SLC2A5: variants seen among roughly 807,000 people sequenced by gnomAD.
SLC2A5 encodes the protein solute carrier family 2 member 5, also known as solute carrier family 2, facilitated glucose transporter member 5.
In SLC2A5, 56 loss-of-function variants were observed where a neutral mutation model predicts 50.3. The ratio of observed to expected loss-of-function variants is 1.11; its 90% CI spans 0.90 to 1.39. The LOEUF is 1.39. Among genes scored for constraint, SLC2A5 ranks in the 40% most tolerant of loss-of-function variants. SLC2A5 has a pLI of 0.00. For synonymous variants in SLC2A5, 269 were observed against 281.9 expected, an observed-to-expected ratio of 0.95 and a Z score of 0.46; for missense variants, 566 against 650.1, an observed-to-expected ratio of 0.87 and a Z score of 1.41.
intron 3 of SLC2A5, among the ~76,000 whole-genome samples, chr1:9,048,786 G>A (rs984959095): frequency 6.6e-6 from 1 of 151,916 alleles, no homozygotes; most frequent in Non-Finnish European, 1.5e-5. Flanking sequence ...CTTCCAAGTA[G>A]CTAGGATTAC....
chr1:9,052,273 G>A (rs1208557517), intron 3 of SLC2A5, among the ~76,000 whole-genome samples: 1 of 152,128 alleles, frequency 6.6e-6, no homozygotes, highest in Non-Finnish European at 1.5e-5. Context: ...GACAGAGCGA[G>A]ACTCCGTCTC....
At chr1:9,085,830 A>G (rs1642395811) in intron 1 of SLC2A5, among the ~76,000 whole-genome samples, 1 of 152,156 alleles carries the variant, frequency 6.6e-6, no homozygotes, top group African/African-American at 2.4e-5. Flanking sequence ...ATCTGCTGGT[A>G]TTTGAAAAGC....
intron 11 of SLC2A5, 21 bp downstream of exon 11, chr1:9,037,876 T>G: frequency 5.6e-6 from 9 of 1,613,738 alleles, no homozygotes; most frequent in Non-Finnish European, 7.6e-6. Context: ...GTGGTGAGCG[T>G]GGGCCCCGGG....
chr1:9,057,435 C>G lies in SLC2A5; in HGVS notation c.293+13G>C. The G allele has an allele frequency of 6.3e-7, 1 of 1,586,802 alleles. No individual in the cohort carries two copies. On this transcript the variant is annotated intron_variant, in intron 3 of 11. Coordinates refer to ENST00000377424, the MANE Select transcript of SLC2A5 (RefSeq NM_003039.3). ...TATGAGTTTCAGGGAATTAAAAATT[C>G]ACCTTCCCTTACCTGCCAAATTTAT...
rs760181959 is a variant in SLC2A5 at position 9,040,045 on chromosome 1, C to A, written c.697+19G>T. 3 of 1,582,428 alleles carry A rather than the reference C, an allele frequency of 1.9e-6. No individual in the cohort carries two copies. The highest frequency in any genetic ancestry group is 2.6e-6 in the Non-Finnish European group (3 of 1,161,240). ...GGGGAGCAGAACCTGGAGGCCGCCC[C>A]CGCCAGAGCCCTCGTTACCTTTCTT... is the stretch of plus-strand genomic sequence containing the variant. On this transcript the variant is annotated intron_variant, in intron 6 of 11. Transcript: ENST00000377424. This position sits in a 1 kb window ranked among gnomAD's most constrained non-coding sequence, Gnocchi z 4.3.
At chr1:9,070,825 A>G (rs1642198258), upstream of SLC2A5, among the ~76,000 whole-genome samples, 1 of 151,618 alleles carries the variant, frequency 6.6e-6, no homozygotes, top group African/African-American at 2.4e-5. Flanking sequence ...GAAGCCTAGC[A>G]GCGTGGCCGT....
intron 2 of SLC2A5, among the ~76,000 whole-genome samples, chr1:9,079,488 A>G (rs1417988956): frequency 6.6e-6 from 1 of 151,836 alleles, no homozygotes; most frequent in Non-Finnish European, 1.5e-5. Context: ...TTTTTGATTT[A>G]TTTCTTTATT....
chr1:9,060,160 C>CACTACA (rs879883231), intron 1 of SLC2A5, among the ~76,000 whole-genome samples: 1 of 103,028 alleles, frequency 9.7e-6, no homozygotes. Flanking sequence ...ACTACACACA[C>CACTACA]TACACACTAC....
In SLC2A5 at chr1:9,037,778, G is replaced by T; in HGVS notation, c.1314C>A (p.Gly438=). 6.2e-7 allele frequency: 1 copy of T among 1,614,156 alleles called. No individual in the cohort carries two copies. ...CGGCGAAGACAATGAAGCTGTACGGGCCGAGGCCCTCCTGCGGGAAGAGGG... is the reference window on the plus strand; with the variant it reads ...CGGCGAAGACAATGAAGCTGTACGGTCCGAGGCCCTCCTGCGGGAAGAGGG... ...LIFPFIQEGL[G]PYSFIVFAVI... Residue 438 remains glycine, a synonymous_variant, in exon 12 of 12, where the codon GGC becomes GGA. Transcript: ENST00000377424.
chr1:9,038,531 A>C (rs1225626792), intron 9 of SLC2A5, 25 bp from the exon 10 acceptor site: 2 of 1,596,978 alleles, frequency 1.3e-6, no homozygotes, highest in Non-Finnish European at 1.7e-6. Flanking sequence ...CAGTTGGTTC[A>C]CCTGGAGCAG....
upstream of SLC2A5, chr1:9,073,072 A>G (rs1450451678): frequency 2.0e-5 from 3 of 152,260 alleles, no homozygotes; most frequent in Non-Finnish European, 4.4e-5. Context: ...GGTTAACACC[A>G]TACCACAAAG....
chr1:9,072,459 C>T (rs1642230734), upstream of SLC2A5: 1 of 152,216 alleles, frequency 6.6e-6, no homozygotes, highest in Non-Finnish European at 1.5e-5. Context: ...GGACAAGAGA[C>T]CGCTGGATTT....
At chr1:9,057,009 C>T (rs566697818) in intron 3 of SLC2A5, among the ~76,000 whole-genome samples, 66 of 152,262 alleles carry the variant, frequency 4.3e-4, no homozygotes, top group African/African-American at 1.5e-3. Context: ...TAAAAATGAC[C>T]GGCCAGGCGC....
At chr1:9,058,295 A>G in intron 1 of SLC2A5, 45 bp from the exon 2 acceptor site, 1 of 1,354,928 alleles carries the variant, frequency 7.4e-7, no homozygotes, top group Non-Finnish European at 1.1e-6. Flanking sequence ...CCAGGGTTCC[A>G]GGGCCCTCCC....
intron 5 of SLC2A5, chr1:9,041,231 C>G (rs542215548): frequency 5.0e-6 from 2 of 397,690 alleles, no homozygotes; most frequent in East Asian, 7.1e-5. Context: ...AAAACAACCC[C>G]GGTTACAGGT....
chr1:9,080,978 GC>G (rs1416667885), intron 2 of SLC2A5, among the ~76,000 whole-genome samples: 1 of 152,084 alleles, frequency 6.6e-6, no homozygotes, highest in East Asian at 1.9e-4. Context: ...GGTTGCTCAC[GC>G]CTGCAAACTC....
rs190749033 is a variant in SLC2A5 at position 9,037,843 on chromosome 1, G to A, written c.1302+54C>T. ...TGGGACGTGGTTTGCCCAGGGGCTCGCACTGTACTGCATGGGGATCTGGTG... is the reference window on the plus strand; with the variant it reads ...TGGGACGTGGTTTGCCCAGGGGCTCACACTGTACTGCATGGGGATCTGGTG... On this transcript the variant is annotated intron_variant, in intron 11 of 11. Transcript: ENST00000377424. 75 of 1,613,736 alleles carry A rather than the reference G, an allele frequency of 4.6e-5. No homozygotes were observed. The East Asian group carries it at 6.0e-4, about 13-fold the overall frequency.
At chr1:9,087,874 C>T (rs1557687502) in intron 1 of SLC2A5, among the ~76,000 whole-genome samples, 1 of 152,082 alleles carries the variant, frequency 6.6e-6, no homozygotes. Flanking sequence ...CGTGTGCCTC[C>T]AGTCCAGGAG....
At chr1:9,085,554 T>G (rs1466052952) in intron 1 of SLC2A5, among the ~76,000 whole-genome samples, 1 of 152,210 alleles carries the variant, frequency 6.6e-6, no homozygotes, top group Admixed American at 6.5e-5. Flanking sequence ...TTGCAAAATG[T>G]TTTTTATCAG....
Sources: allele counts gnomAD v4.1 joint callset (sites outside exome capture counted in the v4.1 genomes callset), GRCh38; gene constraint gnomAD v4.1.1; non-coding constraint Gnocchi (gnomAD v3.1); transcripts MANE v1.5; gene names NCBI Gene and HGNC (gene_info 2026-07-23, HGNC 2026-07-21).